Variants in B3GNT5 observed in about 807,000 individuals in gnomAD.
B3GNT5 encodes UDP-GlcNAc:betaGal beta-1,3-N-acetylglucosaminyltransferase 5, also known as lactosylceramide 1,3-N-acetyl-beta-D-glucosaminyltransferase.
B3GNT5 carries 11 observed loss-of-function variants against 25.9 expected under a neutral mutation model. The ratio of observed to expected loss-of-function variants is 0.42; its 90% CI spans 0.27 to 0.70. The LOEUF (loss-of-function observed/expected upper bound fraction) is 0.70. Among genes scored for constraint, B3GNT5 ranks in the 30% least tolerant of loss-of-function variants. B3GNT5 has a pLI of 0.23. For missense variants in B3GNT5, 385 were observed against 458.4 expected (o/e 0.84, Z 1.46); for synonymous variants, 166 against 158.6 (o/e 1.05, Z -0.35).
At chr3:183,262,517 T>A (rs1430222176) in intron 1 of B3GNT5, among the ~76,000 whole-genome samples, 1 of 152,104 alleles carries the variant, frequency 6.6e-6, no homozygotes, top group Non-Finnish European at 1.5e-5. Context: ...TGGTACCCCC[T>A]TAAATTGTGC....
rs73184919 is a variant in B3GNT5 at position 183,272,942 on chromosome 3, G to T, written c.*2007G>T. 3.5e-6 allele frequency: 5 copies of T among 1,410,442 alleles called. No individual in the cohort carries two copies. The highest frequency in any genetic ancestry group is 3.6e-5 in the Admixed American group (1 of 28,112). The allele number at this position is 1,410,442 out of a possible 1,614,324, so 87.4% of individuals were successfully genotyped here. ...TCTGAACTGTGTCCTTTTAATTTTT[G>T]CTTAGAATAGAATGGAACAAGTTTA... is the stretch of plus-strand genomic sequence containing the variant. On this transcript the variant is annotated 3_prime_UTR_variant, in exon 2 of 2. Transcript: ENST00000326505.
rs1726925416 is a variant in B3GNT5 at position 183,273,110 on chromosome 3, T to G, written c.*2175T>G. ...ACCTTTTAAAAAAGAAGGAAAAAAC[T>G]TTTTGGTGCTCCAGTGTAGGGCTAT... On this transcript the variant is annotated 3_prime_UTR_variant, in exon 2 of 2. Coordinates refer to ENST00000326505, the MANE Select transcript of B3GNT5 (RefSeq NM_032047.5). 1 of 1,117,432 alleles carries G rather than the reference T, an allele frequency of 8.9e-7. No homozygotes were observed. The highest frequency in any genetic ancestry group is 1.2e-6 in the Non-Finnish European group (1 of 801,364). The allele number at this position is 1,117,432 out of a possible 1,614,324, so 69.2% of individuals were successfully genotyped here.
chr3:183,270,695 C>A lies in B3GNT5; in HGVS notation c.897C>A (p.Asp299Glu). The change falls in exon 2 of 2, where the codon GAC (aspartate) becomes GAA (glutamate). Residue 299 changes from aspartate (D) to glutamate (E), a missense_variant. Asp to Glu is a conservative substitution (Grantham distance 45). Coordinates refer to ENST00000326505, the MANE Select transcript of B3GNT5 (RefSeq NM_032047.5). This position sits in a 1 kb window ranked among gnomAD's most constrained non-coding sequence, Gnocchi z 4.5. ...CANKIGIVPQ[D>E]HVFFSGEGKT... The stretch of plus-strand genomic sequence containing the variant: ...ATAAAATAGGGATAGTACCGCAGGA[C>A]CATGTGTTTTTTTCTGGAGAGGGTA... 1 of 1,613,836 alleles carries A rather than the reference C, an allele frequency of 6.2e-7. No individual in the cohort carries two copies. Among genetic ancestry groups the A allele is most frequent in the South Asian group, 1.1e-5 (1 of 91,020 alleles).
At chr3:183,269,285 T>G in intron 1 of B3GNT5, among the ~76,000 whole-genome samples, 1 of 144,930 alleles carries the variant, frequency 6.9e-6, no homozygotes, top group African/African-American at 2.6e-5. Context: ...GTACTCTGAA[T>G]GGGAAGACAG....
chr3:183,269,230 CT>C lies in B3GNT5; in HGVS notation c.-301-250del, dbSNP rs60835895. Among the ~76,000 whole-genome samples, 753 of 80,990 alleles carry C rather than the reference CT, an allele frequency of 9.3e-3. 27 individuals are homozygous for C. The highest frequency in any genetic ancestry group is 0.015 in the Middle Eastern group (2 of 130). The allele number at this position is 80,990 out of a possible 152,430, so 53.1% of individuals were successfully genotyped here. On this transcript the variant is annotated intron_variant, in intron 1 of 1. Coordinates refer to ENST00000326505, the MANE Select transcript of B3GNT5 (RefSeq NM_032047.5). The stretch of plus-strand genomic sequence containing the variant: ...TACACGATTATAGCCGTTTGGGAAG[CT>C]TTTTTTTTTTTTTTTTTAAGAGTAG...
rs544300193 is a variant in B3GNT5, at chr3:183,267,154, A to T, written c.-301-2344A>T. Among the ~76,000 whole-genome samples, 42 of 152,266 alleles carry T rather than the reference A, an allele frequency of 2.8e-4. No individual in the cohort carries two copies. Among genetic ancestry groups the T allele is most frequent in the Admixed American group, 1.8e-3 (27 of 15,300 alleles). ...ACACCCCTGAACACACACACACAGA[A>T]AACCCAAAAGTTTCACAAAATGATT... On this transcript the variant is annotated intron_variant, in intron 1 of 1. Coordinates refer to ENST00000326505, the MANE Select transcript of B3GNT5 (RefSeq NM_032047.5). The surrounding 1 kb of genome is among the most constrained non-coding windows in gnomAD (Gnocchi z 5.5).
chr3:183,270,237 G>A lies in B3GNT5; in HGVS notation c.439G>A (p.Ala147Thr). The change falls in exon 2 of 2, where the codon GCT becomes ACT. Residue 147 changes from alanine to threonine, a missense_variant. Coordinates refer to ENST00000326505, the MANE Select transcript of B3GNT5 (RefSeq NM_032047.5). The surrounding 1 kb of genome is among the most constrained non-coding windows in gnomAD (Gnocchi z 4.5). ...LEGEELQRKL[A>T]WEDQRYNDII... is the part of the protein sequence containing the mutation. The stretch of plus-strand genomic sequence containing the variant: ...GGGAGAAGAACTACAAAGAAAACTG[G>A]CTTGGGAAGATCAAAGGTACAATGA... 1 of 1,614,138 alleles carries A rather than the reference G, an allele frequency of 6.2e-7. No homozygotes were observed. The highest frequency in any genetic ancestry group is 1.1e-5 in the South Asian group (1 of 91,080).
intron 1 of B3GNT5, among the ~76,000 whole-genome samples, chr3:183,255,100 C>T (rs1471961643): frequency 6.6e-6 from 1 of 152,174 alleles, no homozygotes; most frequent in Non-Finnish European, 1.5e-5. Flanking sequence ...GATGAAAGTA[C>T]ATCCATCAGA....
In B3GNT5 at chr3:183,273,142, A is replaced by C. The variant is rs968295698; in HGVS notation, c.*2207A>C. The C allele has an allele frequency of 1.1e-5, 7 of 652,734 alleles. No homozygotes were observed. The highest frequency in any genetic ancestry group is 1.5e-5 in the Non-Finnish European group (6 of 402,584). 40.4% of individuals were successfully genotyped at this position (652,734 alleles called of 1,614,324 possible). ...TGCTCCAGTGTAGGGCTATCTTTTT[A>C]AAAAATGTCAACAAAGGGAAAATAA... On this transcript the variant is annotated 3_prime_UTR_variant, in exon 2 of 2. Coordinates refer to ENST00000326505, the MANE Select transcript of B3GNT5 (RefSeq NM_032047.5).
chr3:183,270,400 C>A lies in B3GNT5; in HGVS notation c.602C>A (p.Pro201Gln), dbSNP rs1277497233. 1 of 1,614,126 alleles carries A rather than the reference C, an allele frequency of 6.2e-7. No individual in the cohort carries two copies. Among genetic ancestry groups the A allele is most frequent in the Admixed American group, 1.7e-5 (1 of 60,018 alleles). The change falls in exon 2 of 2, where the codon CCA (proline) becomes CAA (glutamine). Residue 201 changes from proline to glutamine, a missense_variant. Physicochemically the swap from Pro to Gln is moderately conservative, Grantham distance 76 (BLOSUM62 -1). Coordinates refer to ENST00000326505, the MANE Select transcript of B3GNT5 (RefSeq NM_032047.5). This position sits in a 1 kb window ranked among gnomAD's most constrained non-coding sequence, Gnocchi z 4.5. ...TADDDIFIHM[P>Q]NLIEYLQSLE... is the part of the protein sequence containing the mutation. ...GATGATGACATATTTATTCACATGC[C>A]AAATCTGATTGAGTACCTTCAAAGT...
rs1012648759 is a variant in B3GNT5 at position 183,267,308 on chromosome 3, C to T, written c.-301-2190C>T. Reference sequence around the variant, plus strand: ...AAAGTGTGCCCTATACTGATTATCTCTGGACAAAGTCTGAATGGGGCTTGG... The same window carrying T: ...AAAGTGTGCCCTATACTGATTATCTTTGGACAAAGTCTGAATGGGGCTTGG... On this transcript the variant is annotated intron_variant, in intron 1 of 1. Coordinates refer to ENST00000326505, the MANE Select transcript of B3GNT5 (RefSeq NM_032047.5). This position sits in a 1 kb window ranked among gnomAD's most constrained non-coding sequence, Gnocchi z 5.5. Among the ~76,000 whole-genome samples the T allele has an allele frequency of 5.3e-5, 8 of 152,226 alleles. No homozygotes were observed. Among genetic ancestry groups the T allele is most frequent in the African/African-American group, 1.9e-4 (8 of 41,454 alleles).
chr3:183,262,858 C>T (rs1387417372), intron 1 of B3GNT5, among the ~76,000 whole-genome samples: 1 of 152,036 alleles, frequency 6.6e-6, no homozygotes, highest in Admixed American at 6.5e-5. Context: ...TTTGTGGTGA[C>T]GCTGCCTGCC....
In B3GNT5 at chr3:183,271,048, G is replaced by A; in HGVS notation, c.*113G>A. The stretch of plus-strand genomic sequence containing the variant: ...AATGAGGACGAAAGACAAATATTTT[G>A]AAAGCCTAGTCCATCAGAATGTTTC... On this transcript the variant is annotated 3_prime_UTR_variant, in exon 2 of 2. Transcript: ENST00000326505. 1.0e-6 allele frequency: 1 copy of A among 988,716 alleles called. No homozygotes were observed. Among genetic ancestry groups the A allele is most frequent in the Non-Finnish European group, 1.4e-6 (1 of 691,480 alleles). 61.2% of individuals were successfully genotyped at this position (988,716 alleles called of 1,614,324 possible).
At chr3:183,264,597 T>G (rs1725924020) in intron 1 of B3GNT5, among the ~76,000 whole-genome samples, 1 of 152,232 alleles carries the variant, frequency 6.6e-6, no homozygotes, top group Non-Finnish European at 1.5e-5. Flanking sequence ...AACTGGAGAC[T>G]GAGGTTGTTT....
chr3:183,273,009 A>G lies in B3GNT5; in HGVS notation c.*2074A>G. The G allele has an allele frequency of 6.8e-7, 1 of 1,478,914 alleles. No homozygotes were observed. 91.6% of individuals were successfully genotyped at this position (1,478,914 alleles called of 1,614,324 possible). On this transcript the variant is annotated 3_prime_UTR_variant, in exon 2 of 2. Transcript: ENST00000326505. ...GAAGGCACTTCCTTTTTTTCTAAGA[A>G]GGAAGTTGCTAGATGATTCCTTCAT...
At chr3:183,259,973 C>A (rs1384842419) in intron 1 of B3GNT5, among the ~76,000 whole-genome samples, 1 of 152,182 alleles carries the variant, frequency 6.6e-6, no homozygotes, top group Non-Finnish European at 1.5e-5. Context: ...AGCAAATTCT[C>A]ATCCATCTTG....
intron 1 of B3GNT5, chr3:183,265,347 C>A (rs547671278): frequency 6.6e-6 from 1 of 152,428 alleles, no homozygotes; most frequent in South Asian, 2.1e-4. Context: ...GCTGCGCATT[C>A]GGCATTGGGC....
chr3:183,268,577 AG>A (rs1726387383), intron 1 of B3GNT5, among the ~76,000 whole-genome samples: 1 of 152,342 alleles, frequency 6.6e-6, no homozygotes, highest in South Asian at 2.1e-4. Flanking sequence ...AAAGAGAAAC[AG>A]GAACAGCAGG....
At chr3:183,262,702 G>A (rs1266315222) in intron 1 of B3GNT5, among the ~76,000 whole-genome samples, 2 of 151,352 alleles carry the variant, frequency 1.3e-5, no homozygotes, top group Non-Finnish European at 2.9e-5. Context: ...GCAGACAGGA[G>A]GTGAAGTCTT....
Sources: allele counts gnomAD v4.1 joint callset (sites outside exome capture counted in the v4.1 genomes callset), GRCh38; gene constraint gnomAD v4.1.1; non-coding constraint Gnocchi (gnomAD v3.1); transcripts MANE v1.5; gene names NCBI Gene and HGNC (gene_info 2026-07-23, HGNC 2026-07-21).